Variants in PBRM1 observed in about 807,000 individuals in gnomAD.
PBRM1 encodes polybromo 1, also known as protein polybromo-1.
Under a neutral mutation model 194.5 loss-of-function variants are expected in PBRM1, and 27 were observed. The ratio of observed to expected loss-of-function variants is 0.14; its 90% CI spans 0.10 to 0.19. The LOEUF is 0.19. PBRM1 is among the 10% of genes least tolerant of loss of function. The probability of loss-of-function intolerance (pLI) is 1.00; values close to 1 mark genes in which losing one functional copy is unlikely to be tolerated. For synonymous variants in PBRM1, 655 were observed against 693.2 expected (o/e 0.94, Z 0.87); for missense variants, 1,466 against 2,077.2 (o/e 0.71, Z 5.72).
chr3:52,579,988 C>A (rs1021016780), intron 20 of PBRM1, among the ~76,000 whole-genome samples: 2 of 152,118 alleles, frequency 1.3e-5, no homozygotes, highest in African/African-American at 4.8e-5. Flanking sequence ...TATGTCATAA[C>A]CCCAGCACAC....
chr3:52,664,738 A>G (rs985548895), intron 3 of PBRM1, among the ~76,000 whole-genome samples: 2 of 152,034 alleles, frequency 1.3e-5, no homozygotes, highest in African/African-American at 2.4e-5. Flanking sequence ...TATCACAAAA[A>G]AAAAAAGAAA....
intron 4 of PBRM1, among the ~76,000 whole-genome samples, chr3:52,659,021 A>G (rs1021567053): frequency 1.3e-5 from 2 of 152,116 alleles, no homozygotes; most frequent in Admixed American, 6.5e-5. Context: ...CTTACAGGAC[A>G]ATGACTACTT....
intron 20 of PBRM1, among the ~76,000 whole-genome samples, chr3:52,581,463 T>C (rs1424515616): frequency 6.6e-6 from 1 of 151,016 alleles, no homozygotes; most frequent in African/African-American, 2.4e-5. Context: ...TGAGCCGAGA[T>C]TGTGCCGCTA....
At chr3:52,554,693 A>G (rs1325017959) in intron 27 of PBRM1, 31 bp downstream of exon 29, 1 of 1,518,670 alleles carries the variant, frequency 6.6e-7, no homozygotes, top group Non-Finnish European at 8.8e-7. Context: ...TGAAGATGAG[A>G]TTAATGAGTG....
At chr3:52,580,054 A>T (rs966902345) in intron 20 of PBRM1, among the ~76,000 whole-genome samples, 1 of 152,188 alleles carries the variant, frequency 6.6e-6, no homozygotes, top group South Asian at 2.1e-4. Flanking sequence ...CAGCCTGGGC[A>T]ATACAGTGAG....
chr3:52,569,024 C>G (rs2086204267), intron 22 of PBRM1, among the ~76,000 whole-genome samples: 1 of 152,020 alleles, frequency 6.6e-6, no homozygotes, highest in African/African-American at 2.4e-5. Flanking sequence ...CTCCGGGTAG[C>G]TGGGACTACA....
At chr3:52,640,557 C>T (rs911415408) in intron 10 of PBRM1, among the ~76,000 whole-genome samples, 1 of 152,068 alleles carries the variant, frequency 6.6e-6, no homozygotes, top group African/African-American at 2.4e-5. Flanking sequence ...GGGTGTGAGT[C>T]ACCACACCTG....
intron 5 of PBRM1, among the ~76,000 whole-genome samples, chr3:52,657,810 G>C (rs1232009710): frequency 1.5e-5 from 2 of 136,436 alleles, no homozygotes; most frequent in Non-Finnish European, 3.1e-5. Context: ...AATTTGAGAC[G>C]GAGTTTCGCT....
At chr3:52,586,384 T>A in intron 20 of PBRM1, 41 bp downstream of exon 22, 1 of 1,542,922 alleles carries the variant, frequency 6.5e-7, no homozygotes, top group Non-Finnish European at 8.8e-7. Flanking sequence ...ATAGGTGTTT[T>A]GAGATGTAAA....
chr3:52,582,560 C>T (rs1470673825), intron 20 of PBRM1, among the ~76,000 whole-genome samples: 1 of 151,766 alleles, frequency 6.6e-6, no homozygotes, highest in Non-Finnish European at 1.5e-5. Flanking sequence ...TAGGCACCTG[C>T]CACCACGCCA....
chr3:52,578,784 G>A (rs1016829975), intron 21 of PBRM1, among the ~76,000 whole-genome samples: 7 of 152,216 alleles, frequency 4.6e-5, no homozygotes, highest in African/African-American at 1.7e-4. Flanking sequence ...TTAAGAAAGT[G>A]TCACTTCAAA....
intron 22 of PBRM1, among the ~76,000 whole-genome samples, chr3:52,575,347 G>A (rs2089155290): frequency 6.6e-6 from 1 of 152,018 alleles, no homozygotes; most frequent in South Asian, 2.1e-4. Context: ...GAGTTATCAT[G>A]TTATAATACC....
chr3:52,603,757 T>C (rs776307750), intron 16 of PBRM1, 25 bp from the exon 19 acceptor site: 66 of 1,585,582 alleles, frequency 4.2e-5, no homozygotes, highest in South Asian at 4.5e-5. Context: ...AGAGTATCCA[T>C]TGACATACAA....
At position 52,607,930 on chromosome 3, in the gene PBRM1, A is replaced by G. The variant is rs573219821; in HGVS notation, c.2567+1383T>C. ...TCTATCCCTGTCTCTTAAACATATC[A>G]TATTCATTTCCTAACTCCATTTCTT... is the stretch of plus-strand genomic sequence containing the variant. On this transcript the variant is annotated intron_variant, in intron 16 of 29. Coordinates refer to ENST00000296302, the Ensembl canonical transcript of PBRM1. Among the ~76,000 whole-genome samples the G allele has an allele frequency of 2.3e-4, 35 of 152,300 alleles. No homozygotes were observed. In the East Asian group the frequency reaches 5.4e-3, roughly 23 times the overall value.
At chr3:52,679,766 A>G, upstream of PBRM1, 1 of 1,540,038 alleles carries the variant, frequency 6.5e-7, no homozygotes, top group South Asian at 1.2e-5. Context: ...ATTTAAATAG[A>G]CTCTGTCACC....
chr3:52,551,290 A>C (rs2080930368), intron 27 of PBRM1, among the ~76,000 whole-genome samples: 1 of 152,208 alleles, frequency 6.6e-6, no homozygotes, highest in African/African-American at 2.4e-5. Flanking sequence ...GAGCTTTGTG[A>C]AGGCTGAAGG....
chr3:52,679,742 A>T, upstream of PBRM1: 4 of 1,605,590 alleles, frequency 2.5e-6, no homozygotes, highest in Non-Finnish European at 3.4e-6. Context: ...AGAAATAATC[A>T]GCCATGTTCT....
At chr3:52,646,504 TA>T (rs1323593489) in intron 7 of PBRM1, among the ~76,000 whole-genome samples, 20 of 152,124 alleles carry the variant, frequency 1.3e-4, no homozygotes, top group Admixed American at 1.3e-3. Flanking sequence ...AATATTTAAC[TA>T]AAAAATGGAT....
At chr3:52,578,144 G>A (rs2090167056) in intron 21 of PBRM1, among the ~76,000 whole-genome samples, 1 of 152,014 alleles carries the variant, frequency 6.6e-6, no homozygotes, top group Admixed American at 6.6e-5. Context: ...TTCAGCTGCC[G>A]ACTTCTCAGT....
Sources: gnomAD v4.1 joint callset for allele counts (sites outside exome capture counted in the v4.1 genomes callset) on GRCh38, gnomAD v4.1.1 for gene constraint, MANE v1.5 for transcripts, NCBI Gene and HGNC (gene_info 2026-07-23, HGNC 2026-07-21) for gene names.